ADAMTS19: variants seen among roughly 807,000 people sequenced by gnomAD.
The protein encoded by ADAMTS19 is A disintegrin and metalloproteinase with thrombospondin motifs 19.
A neutral mutation model predicts 153.3 loss-of-function variants in ADAMTS19; 93 were observed. The observed-to-expected ratio is 0.61, with a 90% CI of 0.51 to 0.72. The LOEUF is 0.72. Among genes scored for constraint, ADAMTS19 ranks in the 30% least tolerant of loss-of-function variants. The pLI is 0.00. For missense variants in ADAMTS19, 1,482 were observed against 1,552.1 expected (o/e 0.95, Z 0.76); for synonymous variants, 600 against 556.6 (o/e 1.08, Z -1.10).
chr5:129,555,594 A>G (rs188100289), intron 7 of ADAMTS19, among the ~76,000 whole-genome samples: 14 of 152,284 alleles, frequency 9.2e-5, no homozygotes, highest in Admixed American at 7.8e-4. Context: ...TACATCTTCT[A>G]TCTCACAGAA....
chr5:129,537,502 A>G (rs2126790463), intron 6 of ADAMTS19, among the ~76,000 whole-genome samples: 1 of 152,286 alleles, frequency 6.6e-6, no homozygotes, highest in South Asian at 2.1e-4. Flanking sequence ...CACTATTCAC[A>G]ATAGCAAAGA....
intron 7 of ADAMTS19, among the ~76,000 whole-genome samples, chr5:129,564,240 G>A (rs749651877): frequency 3.3e-5 from 5 of 151,964 alleles, no homozygotes; most frequent in African/African-American, 4.8e-5. Flanking sequence ...ATTGACTTTG[G>A]CCTTGTGAGA....
chr5:129,560,354 G>C (rs1401989400), intron 7 of ADAMTS19, among the ~76,000 whole-genome samples: 1 of 152,054 alleles, frequency 6.6e-6, no homozygotes, highest in East Asian at 1.9e-4. Flanking sequence ...TATTTGTGTG[G>C]GAGGGTGGGG....
At chr5:129,471,323 A>C (rs1005154827) in intron 2 of ADAMTS19, among the ~76,000 whole-genome samples, 4 of 151,924 alleles carry the variant, frequency 2.6e-5, no homozygotes, top group Admixed American at 1.3e-4. Flanking sequence ...CTGTGATTGC[A>C]CCACTGCACT....
intron 19 of ADAMTS19, among the ~76,000 whole-genome samples, chr5:129,699,072 T>A (rs1312910164): frequency 6.6e-6 from 1 of 152,188 alleles, no homozygotes; most frequent in Non-Finnish European, 1.5e-5. Context: ...GTTTGGTAAA[T>A]CTGGAATAAT....
intron 13 of ADAMTS19, among the ~76,000 whole-genome samples, chr5:129,649,865 T>C (rs1753237498): frequency 6.6e-6 from 1 of 152,132 alleles, no homozygotes; most frequent in African/African-American, 2.4e-5. Flanking sequence ...TTTAAGAAAA[T>C]TGTATGCTGC....
intron 7 of ADAMTS19, among the ~76,000 whole-genome samples, chr5:129,569,632 A>G (rs548222861): frequency 6.6e-6 from 1 of 152,254 alleles, no homozygotes; most frequent in East Asian, 1.9e-4. Context: ...TTCCTGGGCA[A>G]AATGGAATTT....
intron 7 of ADAMTS19, among the ~76,000 whole-genome samples, chr5:129,569,999 C>A (rs941211789): frequency 2.0e-5 from 3 of 151,948 alleles, no homozygotes; most frequent in Admixed American, 6.6e-5. Context: ...TAGGAGAATT[C>A]CCCTATTTCT....
intron 3 of ADAMTS19, among the ~76,000 whole-genome samples, chr5:129,522,023 T>C (rs1751822016): frequency 6.6e-6 from 1 of 151,780 alleles, no homozygotes; most frequent in African/African-American, 2.4e-5. Flanking sequence ...AGGTGTCTCT[T>C]TTTAGTTATT....
intron 2 of ADAMTS19, among the ~76,000 whole-genome samples, chr5:129,475,650 T>C (rs1750200885): frequency 6.6e-6 from 1 of 152,172 alleles, no homozygotes; most frequent in Admixed American, 6.5e-5. Flanking sequence ...CTGGCCTACA[T>C]GGCGAAACCC....
At chr5:129,608,838 C>G (rs1751054227) in intron 8 of ADAMTS19, among the ~76,000 whole-genome samples, 1 of 122,708 alleles carries the variant, frequency 8.1e-6, no homozygotes, top group Non-Finnish European at 1.8e-5. Flanking sequence ...TACAGCAAGA[C>G]TCTGTCTCAA....
intron 2 of ADAMTS19, among the ~76,000 whole-genome samples, chr5:129,504,190 T>G (rs542825605): frequency 6.7e-4 from 102 of 152,298 alleles, no homozygotes; most frequent in African/African-American, 2.0e-3. Context: ...CCATCCTATT[T>G]GCCCCCACTC....
At chr5:129,561,514 T>C (rs995121130) in intron 7 of ADAMTS19, among the ~76,000 whole-genome samples, 12 of 144,688 alleles carry the variant, frequency 8.3e-5, no homozygotes, top group Admixed American at 2.8e-4. Flanking sequence ...CTGGCCTGGG[T>C]GACAGAGCGA....
At chr5:129,671,358 G>T (rs544449256) in intron 16 of ADAMTS19, among the ~76,000 whole-genome samples, 178 of 152,182 alleles carry the variant, frequency 1.2e-3, no homozygotes, top group Middle Eastern at 0.01. Flanking sequence ...CACCAATGTA[G>T]GACACATGGA....
chr5:129,536,388 C>T (rs938543306), intron 6 of ADAMTS19, among the ~76,000 whole-genome samples: 3 of 152,114 alleles, frequency 2.0e-5, no homozygotes, highest in Admixed American at 2.0e-4. Flanking sequence ...GTTAGAATGG[C>T]AATCATTAAA....
intron 2 of ADAMTS19, among the ~76,000 whole-genome samples, chr5:129,502,207 G>A (rs1399816730): frequency 6.6e-6 from 1 of 152,126 alleles, no homozygotes; most frequent in Non-Finnish European, 1.5e-5. Flanking sequence ...GAGGAGAAAA[G>A]TGGGCAAGGA....
At chr5:129,516,893 T>A (rs1247316816) in intron 3 of ADAMTS19, among the ~76,000 whole-genome samples, 5 of 149,742 alleles carry the variant, frequency 3.3e-5, no homozygotes, top group Non-Finnish European at 3.0e-5. Flanking sequence ...TTTTCCTTTT[T>A]TTTTTTTTTT....
intron 6 of ADAMTS19, among the ~76,000 whole-genome samples, chr5:129,548,569 C>A (rs1228735704): frequency 6.6e-6 from 1 of 151,400 alleles, no homozygotes; most frequent in Non-Finnish European, 1.5e-5. Flanking sequence ...CACTTTTACA[C>A]TGTTGTTGGG....
At chr5:129,655,068 A>G (rs1237499911) in intron 14 of ADAMTS19, among the ~76,000 whole-genome samples, 1 of 152,190 alleles carries the variant, frequency 6.6e-6, no homozygotes, top group African/African-American at 2.4e-5. Context: ...TGGTTCTGCC[A>G]CTGTCTCAAG....
Sources: gnomAD v4.1 joint callset for allele counts (sites outside exome capture counted in the v4.1 genomes callset) on GRCh38, gnomAD v4.1.1 for gene constraint, MANE v1.5 for transcripts, NCBI Gene and HGNC (gene_info 2026-07-23, HGNC 2026-07-21) for gene names.